The following VPS41 variants were observed in gnomAD, a reference collection of about 807,000 sequenced individuals.
VPS41 encodes the protein vacuolar protein sorting-associated protein 41 homolog.
VPS41 carries 85 observed loss-of-function variants against 130.9 expected under a neutral mutation model. That is an observed-to-expected ratio of 0.65 (90% CI 0.55 to 0.78). The LOEUF is 0.78. VPS41 is among the 30% of genes least tolerant of loss of function. The pLI, the probability that VPS41 is intolerant of heterozygous loss-of-function variation, is 0.00. For synonymous variants in VPS41, 335 were observed against 332.9 expected (o/e 1.01, Z -0.07); for missense variants, 874 against 1,018.7 (o/e 0.86, Z 1.93).
Position 38,772,635 on chromosome 7 carries a change from A to T in VPS41, c.1015T>A (p.Tyr339Asn). 6.2e-7 allele frequency: 1 copy of T among 1,605,736 alleles called. No individual in the cohort carries two copies. The highest frequency in any genetic ancestry group is 8.5e-7 in the Non-Finnish European group (1 of 1,173,464). The change falls in exon 13 of 29, where the codon TAC becomes AAC. Residue 339 changes from tyrosine (Y) to asparagine (N), a missense_variant and splice_region_variant. Transcript: ENST00000310301. The stretch of plus-strand genomic sequence containing the variant: ...TAAAAAAGTGATTCCCCTTCAGAGT[A>T]TTCTGTAGGTGAGAAAAGAGAGGAA... ...ENECRDYHLEYSEGESLFYIV... is the reference protein window; with the variant it reads ...ENECRDYHLENSEGESLFYIV...
chr7:38,765,613 T>A lies in VPS41; in HGVS notation c.1296A>T (p.Glu432Asp). The change falls in exon 16 of 29, where the codon GAA becomes GAT. Residue 432 changes from glutamate (E) to aspartate (D), a missense_variant. By Grantham distance (45) the Glu-to-Asp change is conservative. Coordinates refer to ENST00000310301, the MANE Select transcript of VPS41 (RefSeq NM_014396.4). ...LGKNAALWEY[E>D]VYKFKEIGQL... ...GTCCAATTTCTTTAAATTTATAAACTTCATATTCCCAGAGTGCTGCATTTT... is the reference window on the plus strand; with the variant it reads ...GTCCAATTTCTTTAAATTTATAAACATCATATTCCCAGAGTGCTGCATTTT... The A allele has an allele frequency of 6.2e-7, 1 of 1,603,130 alleles. No individual in the cohort carries two copies. Among genetic ancestry groups the A allele is most frequent in the Non-Finnish European group, 8.5e-7 (1 of 1,177,424 alleles).
intron 5 of VPS41, 26 bp from the exon 6 acceptor site, chr7:38,821,291 C>T (rs1431437710): frequency 5.1e-6 from 8 of 1,560,968 alleles, no homozygotes; most frequent in Non-Finnish European, 7.1e-6. Flanking sequence ...ATTGTATCAG[C>T]TCACCATGAC....
In VPS41 at chr7:38,904,905, T is replaced by C. The variant is rs1403796734; in HGVS notation, c.21+4249A>G. Among the ~76,000 whole-genome samples the C allele has an allele frequency of 2.6e-5, 4 of 152,198 alleles. No homozygotes were observed. The East Asian group carries it at 7.7e-4, about 29-fold the overall frequency. On this transcript the variant is annotated intron_variant, in intron 1 of 28. Transcript: ENST00000310301. Reference sequence around the variant, plus strand: ...GTGGAAATACTTTAATGGACCAGGGTCCAGGTTGGTTGATTAGGAAGATCA... The same window carrying C: ...GTGGAAATACTTTAATGGACCAGGGCCCAGGTTGGTTGATTAGGAAGATCA...
At position 38,878,529 on chromosome 7, in the gene VPS41, T is replaced by C. The variant is rs529695407; in HGVS notation, c.61-9276A>G. On this transcript the variant is annotated intron_variant, in intron 2 of 28. Transcript: ENST00000310301. ...ATACATAAAATTCTGTCATCTCATG[T>C]AGAAATTTAAATGTAGAAAGTCTAA... is the stretch of plus-strand genomic sequence containing the variant. Among the ~76,000 whole-genome samples the C allele has an allele frequency of 6.6e-5, 10 of 152,292 alleles. No individual in the cohort carries two copies. The East Asian group carries it at 1.9e-3, about 29-fold the overall frequency.
chr7:38,736,549 T>G (rs1007961073), intron 25 of VPS41, among the ~76,000 whole-genome samples: 1 of 152,264 alleles, frequency 6.6e-6, no homozygotes, highest in Non-Finnish European at 1.5e-5. Flanking sequence ...TTGTCTTCCA[T>G]GCCAATTCTG....
At chr7:38,780,803 T>C (rs1326637389) in intron 10 of VPS41, among the ~76,000 whole-genome samples, 2 of 152,200 alleles carry the variant, frequency 1.3e-5, no homozygotes, top group African/African-American at 2.4e-5. Context: ...GATTAGATCA[T>C]GGGAACGGAT....
intron 1 of VPS41, among the ~76,000 whole-genome samples, chr7:38,899,067 A>C (rs554729372): frequency 1.3e-5 from 2 of 152,356 alleles, no homozygotes; most frequent in South Asian, 4.1e-4. Flanking sequence ...GGACAGCGGG[A>C]TAAATGTAAA....
intron 10 of VPS41, among the ~76,000 whole-genome samples, chr7:38,788,399 C>A (rs1195249710): frequency 6.6e-6 from 1 of 152,206 alleles, no homozygotes; most frequent in East Asian, 1.9e-4. Flanking sequence ...ACTACCTGCA[C>A]TTAAAGAGTT....
chr7:38,766,893 T>G (rs1784055929), intron 15 of VPS41, among the ~76,000 whole-genome samples: 1 of 152,240 alleles, frequency 6.6e-6, no homozygotes, highest in African/African-American at 2.4e-5. Flanking sequence ...CTAAACCTCT[T>G]TCCTTTATAA....
chr7:38,876,465 C>T (rs1786492776), intron 2 of VPS41, among the ~76,000 whole-genome samples: 1 of 152,002 alleles, frequency 6.6e-6, no homozygotes, highest in African/African-American at 2.4e-5. Context: ...CGGTTTCTTC[C>T]TCTGTAGAAT....
intron 13 of VPS41, among the ~76,000 whole-genome samples, chr7:38,771,799 T>C (rs943845176): frequency 8.5e-5 from 13 of 152,208 alleles, no homozygotes; most frequent in Non-Finnish European, 1.6e-4. Flanking sequence ...CATACAATTA[T>C]TTCTTTGAGA....
chr7:38,886,150 T>C (rs1224617002), intron 2 of VPS41, among the ~76,000 whole-genome samples: 3 of 151,906 alleles, frequency 2.0e-5, no homozygotes, highest in East Asian at 3.9e-4. Flanking sequence ...TTGGGACTGG[T>C]TGGACAGTGG....
chr7:38,868,467 T>C (rs1399612955), intron 3 of VPS41, among the ~76,000 whole-genome samples: 1 of 152,144 alleles, frequency 6.6e-6, no homozygotes, highest in Non-Finnish European at 1.5e-5. Context: ...CAAGAGCAGT[T>C]TGCTTTTTGT....
intron 4 of VPS41, among the ~76,000 whole-genome samples, chr7:38,859,368 G>T (rs1002498913): frequency 6.6e-6 from 1 of 152,142 alleles, no homozygotes; most frequent in East Asian, 1.9e-4. Context: ...GTACACTACT[G>T]TCCTAAGCCT....
At chr7:38,894,426 A>C (rs919998339) in intron 2 of VPS41, among the ~76,000 whole-genome samples, 4 of 133,886 alleles carry the variant, frequency 3.0e-5, no homozygotes, top group African/African-American at 1.1e-4. Flanking sequence ...ATAGAGCTAG[A>C]GGCAGCGGGG....
chr7:38,728,465 T>C (rs756005870), intron 27 of VPS41, 77 bp downstream of exon 27: 3 of 1,481,780 alleles, frequency 2.0e-6, no homozygotes, highest in South Asian at 1.1e-5. Context: ...TAAACGGTAG[T>C]TGGCTAATTC....
At chr7:38,826,064 T>C (rs1478763353) in intron 5 of VPS41, among the ~76,000 whole-genome samples, 2 of 152,228 alleles carry the variant, frequency 1.3e-5, no homozygotes, top group Non-Finnish European at 2.9e-5. Flanking sequence ...AAAGGGACTC[T>C]GGCAGTCAAG....
intron 2 of VPS41, among the ~76,000 whole-genome samples, chr7:38,895,983 C>A (rs1435236116): frequency 6.6e-6 from 1 of 152,162 alleles, no homozygotes; most frequent in Non-Finnish European, 1.5e-5. Context: ...TCAGCTCCAG[C>A]GTCAACTCCA....
chr7:38,893,137 G>T (rs1786903335), intron 2 of VPS41, among the ~76,000 whole-genome samples: 1 of 152,116 alleles, frequency 6.6e-6, no homozygotes, highest in Non-Finnish European at 1.5e-5. Context: ...ACACTTCCTG[G>T]TTTAATACAT....
Sources: gnomAD v4.1 joint callset for allele counts (sites outside exome capture counted in the v4.1 genomes callset) on GRCh38, gnomAD v4.1.1 for gene constraint, MANE v1.5 for transcripts, NCBI Gene and HGNC (gene_info 2026-07-23, HGNC 2026-07-21) for gene names.